Variants in XYLT1 observed in about 807,000 individuals in gnomAD.
The protein encoded by XYLT1 is xylosyltransferase 1, also known as beta-D-xylosyltransferase 1.
A neutral mutation model predicts 91.3 loss-of-function variants in XYLT1; 36 were observed. That is an observed-to-expected ratio of 0.39 (90% CI 0.30 to 0.52). The LOEUF (loss-of-function observed/expected upper bound fraction) is 0.52. XYLT1 is among the 20% of genes least tolerant of loss of function. The pLI is 0.68. For synonymous variants in XYLT1, 588 were observed against 532.0 expected (o/e 1.11, Z -1.45); for missense variants, 1,242 against 1,284.5 (o/e 0.97, Z 0.51).
intron 3 of XYLT1, among the ~76,000 whole-genome samples, chr16:17,216,922 G>C (rs2032871621): frequency 6.6e-6 from 1 of 152,208 alleles, no homozygotes; most frequent in Non-Finnish European, 1.5e-5. Context: ...GCAACGAGCA[G>C]CAATAGTCAA....
At chr16:17,215,940 C>T (rs2032849484) in intron 3 of XYLT1, among the ~76,000 whole-genome samples, 1 of 152,094 alleles carries the variant, frequency 6.6e-6, no homozygotes. Flanking sequence ...GCTTGTTATC[C>T]ATGGTTGAGG....
chr16:17,109,066 A>T (rs200752508), intron 11 of XYLT1, 49 bp from the exon 12 acceptor site: 6 of 1,475,750 alleles, frequency 4.1e-6, no homozygotes, highest in African/African-American at 2.8e-5. Context: ...CACCAATAGG[A>T]TGCCTATTCA....
At chr16:17,252,065 C>T (rs373268256) in intron 3 of XYLT1, among the ~76,000 whole-genome samples, 7 of 152,022 alleles carry the variant, frequency 4.6e-5, no homozygotes, top group African/African-American at 1.2e-4. Flanking sequence ...CTCTTCTTGT[C>T]GCCCCTTCAT....
At chr16:17,397,303 C>CA (rs1421147278) in intron 1 of XYLT1, among the ~76,000 whole-genome samples, 1 of 152,186 alleles carries the variant, frequency 6.6e-6, no homozygotes, top group African/African-American at 2.4e-5. Flanking sequence ...TCAAATCCTA[C>CA]AGCAGGCATC....
intron 1 of XYLT1, among the ~76,000 whole-genome samples, chr16:17,460,467 G>A (rs147661455): frequency 1.3e-5 from 2 of 152,332 alleles, no homozygotes; most frequent in Non-Finnish European, 2.9e-5. Context: ...GCAAGGCACA[G>A]GCAGTGAGAG....
intron 6 of XYLT1, among the ~76,000 whole-genome samples, chr16:17,149,389 A>G (rs1223866423): frequency 6.6e-6 from 1 of 152,246 alleles, no homozygotes; most frequent in African/African-American, 2.4e-5. Flanking sequence ...CAAATTAAAA[A>G]AAAAACAACC....
At chr16:17,270,745 C>G (rs1048306967) in intron 2 of XYLT1, among the ~76,000 whole-genome samples, 4 of 152,200 alleles carry the variant, frequency 2.6e-5, no homozygotes, top group Admixed American at 2.6e-4. Context: ...CACCCTACCA[C>G]CTGCTTTTGT....
intron 3 of XYLT1, among the ~76,000 whole-genome samples, chr16:17,201,611 A>G (rs1052196701): frequency 3.4e-4 from 52 of 151,764 alleles, no homozygotes; most frequent in Non-Finnish European, 4.4e-4. Context: ...AGTAGCTGAG[A>G]TTACAGGCAC....
chr16:17,246,816 C>T (rs1221780005), intron 3 of XYLT1, among the ~76,000 whole-genome samples: 1 of 152,154 alleles, frequency 6.6e-6, no homozygotes, highest in Non-Finnish European at 1.5e-5. Context: ...ACCTAAGGGT[C>T]CCCAACAGAA....
intron 5 of XYLT1, among the ~76,000 whole-genome samples, chr16:17,166,120 C>A (rs1474518226): frequency 6.6e-6 from 1 of 152,204 alleles, no homozygotes; most frequent in African/African-American, 2.4e-5. Flanking sequence ...AAAGGACCAA[C>A]CACCAGCGGA....
chr16:17,458,464 T>C (rs1486527869), intron 1 of XYLT1, among the ~76,000 whole-genome samples: 1 of 152,188 alleles, frequency 6.6e-6, no homozygotes, highest in African/African-American at 2.4e-5. Flanking sequence ...GGGCCATTAC[T>C]TTCCATAACT....
At chr16:17,131,491 T>TCCAGGTTC (rs1227313061) in intron 9 of XYLT1, among the ~76,000 whole-genome samples, 4 of 152,214 alleles carry the variant, frequency 2.6e-5, no homozygotes, top group African/African-American at 9.6e-5. Context: ...TCCATGGACC[T>TCCAGGTTC]CCAGGTTCCC....
chr16:17,285,874 CTGTGTGTGTGTG>C (rs56267931), intron 2 of XYLT1, among the ~76,000 whole-genome samples: 5,293 of 145,214 alleles, frequency 0.036, 276 homozygotes, highest in African/African-American at 0.12. Flanking sequence ...TGGTGTATCT[CTGTGTGTGTGTG>C]TGTGTGTGTG....
chr16:17,469,259 T>C (rs2036944919), intron 1 of XYLT1, among the ~76,000 whole-genome samples: 3 of 152,220 alleles, frequency 2.0e-5, no homozygotes, highest in Non-Finnish European at 2.9e-5. Context: ...GATAGAAATA[T>C]GCATTCAGTC....
intron 6 of XYLT1, among the ~76,000 whole-genome samples, chr16:17,145,671 A>C (rs1597151189): frequency 6.6e-6 from 1 of 152,360 alleles, no homozygotes; most frequent in South Asian, 2.1e-4. Flanking sequence ...TATGTGCTTA[A>C]GGCATTTTTG....
chr16:17,364,845 C>A (rs563279064), intron 1 of XYLT1, among the ~76,000 whole-genome samples: 15 of 152,268 alleles, frequency 9.9e-5, no homozygotes, highest in Admixed American at 5.9e-4. Context: ...TGGTGTTAAT[C>A]AAAAGTATGA....
At chr16:17,335,935 T>G (rs1000476252) in intron 2 of XYLT1, among the ~76,000 whole-genome samples, 2 of 152,214 alleles carry the variant, frequency 1.3e-5, no homozygotes, top group African/African-American at 4.8e-5. Context: ...CTATAAAGTC[T>G]GTGGAGTTAT....
intron 5 of XYLT1, among the ~76,000 whole-genome samples, chr16:17,171,518 T>C (rs2031819168): frequency 6.6e-6 from 1 of 152,218 alleles, no homozygotes; most frequent in Non-Finnish European, 1.5e-5. Context: ...AGTAGACTCT[T>C]TACCCACAGA....
chr16:17,324,797 C>A (rs2034774216), intron 2 of XYLT1, among the ~76,000 whole-genome samples: 1 of 151,884 alleles, frequency 6.6e-6, no homozygotes, highest in Admixed American at 6.6e-5. Context: ...ATGTAGAAAA[C>A]AAAGACCGGA....
Sources: gnomAD v4.1 joint callset for allele counts (sites outside exome capture counted in the v4.1 genomes callset) on GRCh38, gnomAD v4.1.1 for gene constraint, MANE v1.5 for transcripts, NCBI Gene and HGNC (gene_info 2026-07-23, HGNC 2026-07-21) for gene names.